SNTG1: variants seen among roughly 807,000 people sequenced by gnomAD.
SNTG1 encodes the protein syntrophin gamma 1.
A neutral mutation model predicts 74.7 loss-of-function variants in SNTG1; 39 were observed. That is an observed-to-expected ratio of 0.52 (90% CI 0.40 to 0.68). SNTG1 has a LOEUF of 0.68. Among genes scored for constraint, SNTG1 ranks in the 30% least tolerant of loss-of-function variants. SNTG1 has a pLI of 0.00. For synonymous variants in SNTG1, 254 were observed against 217.1 expected, an observed-to-expected ratio of 1.17 and a Z score of -1.49; for missense variants, 685 against 609.5, an observed-to-expected ratio of 1.12 and a Z score of -1.30.
intron 1 of SNTG1, among the ~76,000 whole-genome samples, chr8:50,110,081 G>A (rs1280202666): frequency 6.6e-6 from 1 of 152,160 alleles, no homozygotes; most frequent in African/African-American, 2.4e-5. Context: ...TTCACTCCAG[G>A]AAGGTTGTGT....
chr8:49,925,966 A>G (rs1053140991), intron 1 of SNTG1, among the ~76,000 whole-genome samples: 2 of 152,224 alleles, frequency 1.3e-5, no homozygotes, highest in Non-Finnish European at 2.9e-5. Context: ...ATCACTTAAT[A>G]GGACGTAATA....
intron 1 of SNTG1, among the ~76,000 whole-genome samples, chr8:50,154,470 G>A (rs1174758362): frequency 6.6e-6 from 1 of 152,150 alleles, no homozygotes; most frequent in Non-Finnish European, 1.5e-5. Context: ...CCAGTGAGAT[G>A]AACCGGGTAC....
chr8:50,608,908 A>G (rs183936411), intron 13 of SNTG1, among the ~76,000 whole-genome samples: 35 of 152,100 alleles, frequency 2.3e-4, no homozygotes, highest in Non-Finnish European at 4.1e-4. Context: ...TCACATATGC[A>G]TCTTTAAGTG....
chr8:50,687,222 C>A (rs138141126), intron 15 of SNTG1, among the ~76,000 whole-genome samples: 114 of 148,228 alleles, frequency 7.7e-4, no homozygotes, highest in Admixed American at 1.9e-3. Context: ...AGAAAGACAG[C>A]GAGAGATGAA....
At chr8:50,686,503 G>T (rs1354947705) in intron 15 of SNTG1, among the ~76,000 whole-genome samples, 1 of 152,052 alleles carries the variant, frequency 6.6e-6, no homozygotes, top group African/African-American at 2.4e-5. Context: ...ATTTAAACTT[G>T]TATTCTCCTT....
chr8:50,218,070 G>T (rs1303148409), intron 2 of SNTG1, among the ~76,000 whole-genome samples: 1 of 152,124 alleles, frequency 6.6e-6, no homozygotes, highest in African/African-American at 2.4e-5. Context: ...ATTTCAGCAC[G>T]AGCTAATTCC....
intron 2 of SNTG1, among the ~76,000 whole-genome samples, chr8:50,250,758 T>C (rs1436441396): frequency 6.6e-6 from 1 of 152,112 alleles, no homozygotes; most frequent in Non-Finnish European, 1.5e-5. Flanking sequence ...AGCAAAGCTA[T>C]TCTTCAGAAA....
intron 2 of SNTG1, among the ~76,000 whole-genome samples, chr8:50,266,740 A>C (rs2087501153): frequency 6.8e-6 from 1 of 147,852 alleles, no homozygotes; most frequent in African/African-American, 2.5e-5. Context: ...TAAAGCAGTA[A>C]ACTTTCTCCT....
rs889560402 is a variant in SNTG1 at position 50,311,919 on chromosome 8, A to G, written c.-27-82293A>G. On this transcript the variant is annotated intron_variant, in intron 2 of 18. Coordinates refer to ENST00000642720, the MANE Select transcript of SNTG1 (RefSeq NM_018967.5). ...TAGTTCAGTTATTTGATATTTGTGCATTGTCTGTTCTCCTGGGATCACTGC... is the reference window on the plus strand; with the variant it reads ...TAGTTCAGTTATTTGATATTTGTGCGTTGTCTGTTCTCCTGGGATCACTGC... Among the ~76,000 whole-genome samples, 4 of 152,172 alleles carry G rather than the reference A, an allele frequency of 2.6e-5. No homozygotes were observed. The East Asian group carries it at 7.7e-4, about 29-fold the overall frequency.
intron 9 of SNTG1, among the ~76,000 whole-genome samples, chr8:50,511,297 C>G (rs893312490): frequency 9.9e-5 from 15 of 152,074 alleles, no homozygotes; most frequent in Non-Finnish European, 1.9e-4. Flanking sequence ...GTTATAATTT[C>G]TGTTCTTTTA....
intron 1 of SNTG1, among the ~76,000 whole-genome samples, chr8:49,947,733 T>A (rs951157929): frequency 6.6e-6 from 1 of 152,094 alleles, no homozygotes; most frequent in Admixed American, 6.5e-5. Context: ...TTTCTGGAGA[T>A]CAAATCACAG....
chr8:50,665,598 G>C (rs550061891), intron 15 of SNTG1, among the ~76,000 whole-genome samples: 6 of 152,202 alleles, frequency 3.9e-5, no homozygotes, highest in African/African-American at 1.2e-4. Context: ...CTGGGTTGTG[G>C]CGTAGAAAGT....
intron 13 of SNTG1, among the ~76,000 whole-genome samples, chr8:50,606,512 G>A (rs2094813719): frequency 6.6e-6 from 1 of 151,796 alleles, no homozygotes; most frequent in African/African-American, 2.4e-5. Flanking sequence ...AGACAATTAT[G>A]TTATCTACAT....
chr8:50,094,614 CA>C (rs2131184650), intron 1 of SNTG1, among the ~76,000 whole-genome samples: 1 of 152,042 alleles, frequency 6.6e-6, no homozygotes, highest in East Asian at 1.9e-4. Flanking sequence ...TAGAGAAATG[CA>C]AATCAAATCA....
intron 2 of SNTG1, among the ~76,000 whole-genome samples, chr8:50,244,704 G>A (rs141365003): frequency 1.2e-4 from 18 of 152,158 alleles, no homozygotes; most frequent in East Asian, 9.7e-4. Context: ...AATATCTACC[G>A]CATCCACAAA....
chr8:50,005,146 A>G (rs1427410944), intron 1 of SNTG1, among the ~76,000 whole-genome samples: 2 of 152,204 alleles, frequency 1.3e-5, no homozygotes, highest in African/African-American at 4.8e-5. Flanking sequence ...ATTTCTTGAT[A>G]CTGTAAATGA....
chr8:50,685,871 T>G (rs2095350418), intron 15 of SNTG1, among the ~76,000 whole-genome samples: 1 of 152,164 alleles, frequency 6.6e-6, no homozygotes. Context: ...TAGCTAATTG[T>G]GTTAAAGATG....
At chr8:50,087,202 T>C (rs1488411980) in intron 1 of SNTG1, among the ~76,000 whole-genome samples, 4 of 152,328 alleles carry the variant, frequency 2.6e-5, no homozygotes, top group Admixed American at 2.6e-4. Context: ...CAAGAATCTC[T>C]GGTTTGTTTT....
At chr8:50,228,122 T>G (rs2085435267) in intron 2 of SNTG1, among the ~76,000 whole-genome samples, 2 of 151,694 alleles carry the variant, frequency 1.3e-5, no homozygotes, top group South Asian at 4.1e-4. Flanking sequence ...ATAGAAACTC[T>G]AAAAATGAAT....
Sources: gnomAD v4.1 joint callset for allele counts (sites outside exome capture counted in the v4.1 genomes callset) on GRCh38, gnomAD v4.1.1 for gene constraint, MANE v1.5 for transcripts, NCBI Gene and HGNC (gene_info 2026-07-23, HGNC 2026-07-21) for gene names.